Variants in KDR observed in about 807,000 individuals in gnomAD.
The protein encoded by KDR is vascular endothelial growth factor receptor 2.
A neutral mutation model predicts 160.9 loss-of-function variants in KDR; 43 were observed. That is an observed-to-expected ratio of 0.27 (90% CI 0.21 to 0.34). The LOEUF is 0.34. Among genes scored for constraint, KDR ranks in the 10% least tolerant of loss-of-function variants. The probability of loss-of-function intolerance (pLI) is 1.00; values close to 1 mark genes in which losing one functional copy is unlikely to be tolerated. For synonymous variants in KDR, 617 were observed against 600.1 expected (o/e 1.03, Z -0.41); for missense variants, 1,469 against 1,666.4 (o/e 0.88, Z 2.06).
At chr4:55,092,484 A>C in intron 22 of KDR, 133 bp downstream of exon 22, 1 of 722,056 alleles carries the variant, frequency 1.4e-6, no homozygotes. Flanking sequence ...CCTCCCCAGT[A>C]GAGCTCTTCT....
At position 55,105,907 on chromosome 4, in the gene KDR, C is replaced by A; in HGVS notation, c.1570G>T (p.Val524Leu). The part of the protein sequence containing the change: ...VSTLVIQAAN[V>L]SALYKCEAVN... The stretch of plus-strand genomic sequence containing the variant: ...GCTTCACATTTGTACAAAGCTGACA[C>A]ATTTGCCGCTTGGATAACAAGGGTA... Residue 524 changes from valine to leucine, a missense_variant, in exon 12 of 30, where the codon GTG becomes TTG. By Grantham distance (32) the Val-to-Leu change is conservative. Coordinates refer to ENST00000263923, the MANE Select transcript of KDR (RefSeq NM_002253.4). The A allele has an allele frequency of 6.2e-7, 1 of 1,613,574 alleles. No individual in the cohort carries two copies. The highest frequency in any genetic ancestry group is 1.1e-5 in the South Asian group (1 of 91,082).
rs979697806 is a variant in KDR, at chr4:55,110,363, T to C, written c.1255+40A>G. The C allele has an allele frequency of 3.1e-6, 5 of 1,598,132 alleles. No homozygotes were observed. In the African/African-American group the frequency reaches 6.7e-5, roughly 21 times the overall value. On this transcript the variant is annotated intron_variant, in intron 9 of 29. Coordinates refer to ENST00000263923, the MANE Select transcript of KDR (RefSeq NM_002253.4). Reference sequence around the variant, plus strand: ...GGCTGATTTGGAAGACAATGTATCATAATAAATCTTGGGCAGAGAGGAAAA... The same window carrying C: ...GGCTGATTTGGAAGACAATGTATCACAATAAATCTTGGGCAGAGAGGAAAA...
At chr4:55,082,091 C>T (rs2110005419) in intron 28 of KDR, 50 bp from the exon 29 acceptor site, 1 of 1,235,614 alleles carries the variant, frequency 8.1e-7, no homozygotes, top group Non-Finnish European at 1.2e-6. Flanking sequence ...TATAAAATGA[C>T]CAACTATTTA....
rs1719670758 is a variant in KDR, at chr4:55,079,530, C to T, written c.*411G>A. The T allele has an allele frequency of 2.7e-6, 1 of 366,566 alleles. No homozygotes were observed. Among genetic ancestry groups the T allele is most frequent in the Non-Finnish European group, 5.1e-6 (1 of 196,376 alleles). The allele number at this position is 366,566 out of a possible 1,614,324, so 22.7% of individuals were successfully genotyped here. ...TTGGATAGACTCAGCCCTGCAAATC[C>T]TTCCCATCTTCAACACCTCGAACAC... On this transcript the variant is annotated 3_prime_UTR_variant, in exon 30 of 30. Transcript: ENST00000263923.
At chr4:55,116,352 A>C (rs1028540517) in intron 3 of KDR, among the ~76,000 whole-genome samples, 1 of 150,418 alleles carries the variant, frequency 6.6e-6, no homozygotes, top group African/African-American at 2.4e-5. Context: ...GGGGGGCAGA[A>C]GTTGCAGTGA....
chr4:55,115,377 G>T lies in KDR; in HGVS notation c.393C>A (p.Asp131Glu). ...YRSPFIASVS[D>E]QHGVVYITEN... Reference sequence around the variant, plus strand: ...CAGTAATGTACACGACTCCATGTTGGTCACTAACAGAAGCAATAAATGGAG... The same window carrying T: ...CAGTAATGTACACGACTCCATGTTGTTCACTAACAGAAGCAATAAATGGAG... Residue 131 changes from aspartate (D) to glutamate (E), a missense_variant, in exon 4 of 30, where the codon GAC (aspartate) becomes GAA (glutamate). Transcript: ENST00000263923. The T allele has an allele frequency of 6.5e-7, 1 of 1,540,716 alleles. No homozygotes were observed. Among genetic ancestry groups the T allele is most frequent in the Non-Finnish European group, 9.0e-7 (1 of 1,113,224 alleles).
chr4:55,098,290 T>G lies in KDR; in HGVS notation c.2374-18A>C. ...CCATTGGCCTGGAAAGCATCAATCC[T>G]TCCAGTCATAAACACACTGTTGTTT... On this transcript the variant is annotated intron_variant, in intron 16 of 29. Transcript: ENST00000263923. 1.9e-6 allele frequency: 3 copies of G among 1,613,560 alleles called. No individual in the cohort carries two copies. Among genetic ancestry groups the G allele is most frequent in the Non-Finnish European group, 2.5e-6 (3 of 1,179,686 alleles).
At chr4:55,110,380 A>G in intron 9 of KDR, 23 bp downstream of exon 9, 1 of 1,611,788 alleles carries the variant, frequency 6.2e-7, no homozygotes, top group Non-Finnish European at 8.5e-7. Context: ...TCTTGGGCAG[A>G]GAGGAAAATT....
chr4:55,089,228 A>AAGAAG, intron 25 of KDR, 146 bp downstream of exon 25: 1 of 695,886 alleles, frequency 1.4e-6, no homozygotes, highest in Non-Finnish European at 2.5e-6. Flanking sequence ...TGATGACTCC[A>AAGAAG]TGCTTGAAAT....
chr4:55,104,385 AG>A (rs1720384363), intron 13 of KDR, among the ~76,000 whole-genome samples: 2 of 152,314 alleles, frequency 1.3e-5, no homozygotes, highest in South Asian at 4.1e-4. Context: ...ATAAGGCAGA[AG>A]TTTCCCTGGT....
chr4:55,113,999 GTGTA>G lies in KDR; in HGVS notation c.798+123_798+126del, dbSNP rs544119432. 3.6e-5 allele frequency: 32 copies of G among 894,878 alleles called. No homozygotes were observed. The African/African-American group carries it at 5.2e-4, about 15-fold the overall frequency. 55.4% of individuals were successfully genotyped at this position (894,878 alleles called of 1,614,324 possible). The stretch of plus-strand genomic sequence containing the variant: ...TGTGTGTATGTGTGTGTGAGTGGGT[GTGTA>G]TGTGTGTGTGTTTAAGGCTCTTACA... On this transcript the variant is annotated intron_variant, in intron 6 of 29. Transcript: ENST00000263923.
intron 26 of KDR, among the ~76,000 whole-genome samples, chr4:55,088,624 T>C (rs554461669): frequency 1.5e-4 from 23 of 152,312 alleles, no homozygotes; most frequent in African/African-American, 4.1e-4. Context: ...TTTGAAAATA[T>C]AACAAAAAGA....
At chr4:55,090,465 C>T (rs1719983331) in intron 22 of KDR, among the ~76,000 whole-genome samples, 1 of 152,120 alleles carries the variant, frequency 6.6e-6, no homozygotes, top group South Asian at 2.1e-4. Context: ...TGAATGAATG[C>T]ACGGAAATCA....
chr4:55,099,606 G>A (rs1720259139), intron 15 of KDR, among the ~76,000 whole-genome samples: 1 of 152,128 alleles, frequency 6.6e-6, no homozygotes, highest in Non-Finnish European at 1.5e-5. Flanking sequence ...ACCAAGTAGG[G>A]AAATAAACAA....
At chr4:55,081,297 T>A (rs920699100) in intron 29 of KDR, among the ~76,000 whole-genome samples, 2 of 152,124 alleles carry the variant, frequency 1.3e-5, no homozygotes, top group African/African-American at 4.8e-5. Context: ...TTCTTACCTT[T>A]AGGTAAGAAT....
At chr4:55,113,083 C>T (rs1159698263) in intron 7 of KDR, among the ~76,000 whole-genome samples, 1 of 152,192 alleles carries the variant, frequency 6.6e-6, no homozygotes, top group Non-Finnish European at 1.5e-5. Context: ...TAAATGAACT[C>T]TTACTGTATA....
chr4:55,098,647 T>A (rs751800484), intron 16 of KDR, 50 bp downstream of exon 16: 3 of 1,383,792 alleles, frequency 2.2e-6, no homozygotes, highest in African/African-American at 1.4e-5. Context: ...TCAGTTTTCA[T>A]TAATCATGAA....
At chr4:55,088,381 A>G (rs1190716939) in intron 26 of KDR, among the ~76,000 whole-genome samples, 2 of 152,224 alleles carry the variant, frequency 1.3e-5, no homozygotes, top group Non-Finnish European at 2.9e-5. Flanking sequence ...CATTGTAGTA[A>G]GAGGCATTGA....
At chr4:55,122,344 T>A (rs1207687558) in intron 1 of KDR, among the ~76,000 whole-genome samples, 3 of 152,092 alleles carry the variant, frequency 2.0e-5, no homozygotes, top group Non-Finnish European at 4.4e-5. Flanking sequence ...AATACCAGCT[T>A]TAAAAAAGTA....
Sources: allele counts gnomAD v4.1 joint callset (sites outside exome capture counted in the v4.1 genomes callset), GRCh38; gene constraint gnomAD v4.1.1; transcripts MANE v1.5; gene names NCBI Gene and HGNC (gene_info 2026-07-23, HGNC 2026-07-21).